Variants in LRFN5 observed in about 807,000 individuals in gnomAD.
LRFN5 encodes the protein leucine-rich repeat and fibronectin type-III domain-containing protein 5.
In LRFN5, 24 loss-of-function variants were observed where a neutral mutation model predicts 45.6. The observed-to-expected ratio is 0.53, with a 90% CI of 0.38 to 0.74. LRFN5 has a LOEUF of 0.74. Ranked by LOEUF, LRFN5 falls within the 30% of genes least tolerant of loss-of-function variation. The pLI is 0.00. For synonymous variants in LRFN5, 340 were observed against 313.8 expected (o/e 1.08, Z -0.88); for missense variants, 776 against 861.5 (o/e 0.90, Z 1.24).
At chr14:41,874,658 G>C (rs1052482804) in intron 2 of LRFN5, among the ~76,000 whole-genome samples, 5 of 152,096 alleles carry the variant, frequency 3.3e-5, no homozygotes, top group Non-Finnish European at 7.4e-5. Flanking sequence ...ATGCCCTGGG[G>C]AATGTACCTT....
intron 2 of LRFN5, among the ~76,000 whole-genome samples, chr14:41,863,175 C>G (rs1371585452): frequency 6.6e-6 from 1 of 152,162 alleles, no homozygotes; most frequent in Non-Finnish European, 1.5e-5. Flanking sequence ...TAAGTCTCTT[C>G]TTAATCAGTC....
At position 41,886,970 on chromosome 14, in the gene LRFN5, A is replaced by C. The variant is rs781427179; in HGVS notation, c.345A>C (p.Thr115=). ...ATAGCAACAGATTGACTAAAATTAC[A>C]AATGATATGTTCAGTGGTCTTTCCA... ...HLNSNRLTKI[T]NDMFSGLSNL... The change falls in exon 3 of 6, where the codon ACA becomes ACC. Residue 115 remains threonine (T), a synonymous_variant. Coordinates refer to ENST00000298119, the MANE Select transcript of LRFN5 (RefSeq NM_152447.5). 1 of 1,614,204 alleles carries C rather than the reference A, an allele frequency of 6.2e-7. No homozygotes were observed.
At chr14:41,881,227 A>G (rs1057507976) in intron 2 of LRFN5, among the ~76,000 whole-genome samples, 2 of 152,138 alleles carry the variant, frequency 1.3e-5, no homozygotes, top group Admixed American at 1.3e-4. Flanking sequence ...TGCACAGAAT[A>G]TCTGAGATAA....
chr14:41,737,151 C>G (rs1475447346), intron 1 of LRFN5, among the ~76,000 whole-genome samples: 1 of 152,124 alleles, frequency 6.6e-6, no homozygotes, highest in African/African-American at 2.4e-5. Flanking sequence ...AGCCTATCCA[C>G]CACGATCAAG....
rs562319310 is a variant in LRFN5, at chr14:41,766,934, C to T, written c.-116C>T. The T allele has an allele frequency of 1.3e-5, 2 of 152,746 alleles. No individual in the cohort carries two copies. The highest frequency in any genetic ancestry group is 2.1e-4 in the South Asian group (1 of 4,830). The allele number at this position is 152,746 out of a possible 1,614,324, so 9.5% of individuals were successfully genotyped here. A position where few individuals can be genotyped will look rare whatever the true frequency, so the allele number is the denominator to read the frequency against. On this transcript the variant is annotated 5_prime_UTR_variant, in exon 2 of 6. Transcript: ENST00000298119. ...ATCTTTTGACACCGTCCTCTGAAAT[C>T]AGCTTTGGAGATGCTTTCACTCTGT... is the stretch of plus-strand genomic sequence containing the variant.
chr14:41,815,152 T>A (rs1157358898), intron 2 of LRFN5, among the ~76,000 whole-genome samples: 2 of 152,192 alleles, frequency 1.3e-5, no homozygotes, highest in South Asian at 2.1e-4. Flanking sequence ...AGTCTCCAAC[T>A]ATAATAATGA....
intron 5 of LRFN5, among the ~76,000 whole-genome samples, chr14:41,902,399 C>T (rs1891129782): frequency 6.6e-6 from 1 of 151,790 alleles, no homozygotes; most frequent in Non-Finnish European, 1.5e-5. Flanking sequence ...ACTATAGGAG[C>T]TATCTATTGA....
chr14:41,789,391 A>C (rs1033541473), intron 2 of LRFN5, among the ~76,000 whole-genome samples: 3 of 152,022 alleles, frequency 2.0e-5, no homozygotes, highest in African/African-American at 7.2e-5. Flanking sequence ...TAGAAATGGC[A>C]AGTAAGCTGG....
chr14:41,674,891 C>T (rs1421527676), intron 1 of LRFN5, among the ~76,000 whole-genome samples: 1 of 151,418 alleles, frequency 6.6e-6, no homozygotes, highest in Admixed American at 6.6e-5. Flanking sequence ...TCAGACGGAA[C>T]GGCCGGGCAG....
chr14:41,849,599 A>G (rs944000920), intron 2 of LRFN5, among the ~76,000 whole-genome samples: 1 of 151,920 alleles, frequency 6.6e-6, no homozygotes, highest in African/African-American at 2.4e-5. Flanking sequence ...CCAAATGATT[A>G]TTTAATTTTT....
chr14:41,892,579 G>A (rs1011905777), intron 4 of LRFN5: 5 of 980,650 alleles, frequency 5.1e-6, no homozygotes, highest in Non-Finnish European at 6.1e-6. Context: ...TGGTAATAGT[G>A]TTTCCTTTGT....
intron 2 of LRFN5, among the ~76,000 whole-genome samples, chr14:41,809,385 A>AT (rs886972304): frequency 3.3e-5 from 5 of 151,808 alleles, no homozygotes; most frequent in Admixed American, 1.3e-4. Flanking sequence ...AAACTCTTTT[A>AT]TTTTTTTTAA....
intron 1 of LRFN5, among the ~76,000 whole-genome samples, chr14:41,620,531 T>C (rs1351292254): frequency 6.6e-6 from 1 of 152,060 alleles, no homozygotes; most frequent in Non-Finnish European, 1.5e-5. Context: ...TTGTTTTCTA[T>C]TTGGGAAAAT....
At chr14:41,616,437 C>T (rs1447480734) in intron 1 of LRFN5, among the ~76,000 whole-genome samples, 2 of 152,086 alleles carry the variant, frequency 1.3e-5, no homozygotes, top group Admixed American at 6.6e-5. Context: ...GAGCCCTAGT[C>T]CTTAATCAGT....
chr14:41,719,817 C>T (rs190952165), intron 1 of LRFN5, among the ~76,000 whole-genome samples: 7 of 151,592 alleles, frequency 4.6e-5, no homozygotes, highest in African/African-American at 9.7e-5. Flanking sequence ...CCCAGTTATG[C>T]GATTGCTATG....
At chr14:41,799,466 G>A (rs956666628) in intron 2 of LRFN5, among the ~76,000 whole-genome samples, 2 of 151,850 alleles carry the variant, frequency 1.3e-5, no homozygotes, top group Non-Finnish European at 2.9e-5. Context: ...TTTCCCTCAT[G>A]CTTAGTATTT....
intron 1 of LRFN5, among the ~76,000 whole-genome samples, chr14:41,758,674 A>G (rs568590980): frequency 6.6e-6 from 1 of 152,314 alleles, no homozygotes; most frequent in South Asian, 2.1e-4. Flanking sequence ...TGCTTTGCAA[A>G]CATTATTTTG....
chr14:41,875,451 G>T (rs1263575851), intron 2 of LRFN5, among the ~76,000 whole-genome samples: 1 of 152,236 alleles, frequency 6.6e-6, no homozygotes, highest in Admixed American at 6.5e-5. Flanking sequence ...AGTATTTACT[G>T]GTAGGATCCA....
chr14:41,638,910 G>A (rs193270502), intron 1 of LRFN5, among the ~76,000 whole-genome samples: 1 of 152,088 alleles, frequency 6.6e-6, no homozygotes, highest in East Asian at 1.9e-4. Context: ...ATTATAGATA[G>A]AAGTAATTTA....
Sources: gnomAD v4.1 joint callset for allele counts (sites outside exome capture counted in the v4.1 genomes callset) on GRCh38, gnomAD v4.1.1 for gene constraint, MANE v1.5 for transcripts, NCBI Gene and HGNC (gene_info 2026-07-23, HGNC 2026-07-21) for gene names.